The following NLRC4 variants were observed in gnomAD, a reference collection of about 807,000 sequenced individuals.
NLRC4 encodes NLR family CARD domain-containing protein 4.
A neutral mutation model predicts 79.9 loss-of-function variants in NLRC4; 63 were observed. The ratio of observed to expected loss-of-function variants is 0.79; its 90% CI spans 0.64 to 0.97. NLRC4 has a LOEUF of 0.97. Ranked by LOEUF, NLRC4 falls within the 50% of genes least tolerant of loss-of-function variation. The probability of loss-of-function intolerance (pLI) is 0.00; values close to 1 mark genes in which losing one functional copy is unlikely to be tolerated. For synonymous variants in NLRC4, 461 were observed against 456.5 expected, an observed-to-expected ratio of 1.01 and a Z score of -0.12; for missense variants, 1,074 against 1,215.2, an observed-to-expected ratio of 0.88 and a Z score of 1.73.
At chr2:32,252,970 A>T (rs1316869926) in intron 2 of NLRC4, among the ~76,000 whole-genome samples, 1 of 151,902 alleles carries the variant, frequency 6.6e-6, no homozygotes, top group Non-Finnish European at 1.5e-5. Flanking sequence ...GTGAGCTGAG[A>T]TAGCGCCACT....
At position 32,259,262 on chromosome 2, in the gene NLRC4, A is replaced by ATTTTTTTTTTTTTTTTT. The variant is rs57570626; in HGVS notation, c.-118-2386_-118-2370dup. 6.2e-4 allele frequency among the ~76,000 whole-genome samples: 33 copies of ATTTTTTTTTTTTTTTTT among 52,898 alleles called. 7 individuals carry two copies. The highest frequency in any genetic ancestry group is 1.1e-3 in the Admixed American group (5 of 4,548). 34.7% of individuals were successfully genotyped at this position (52,898 alleles called of 152,430 possible). A position where few individuals can be genotyped will look rare whatever the true frequency, so the allele number is the denominator to read the frequency against. On this transcript the variant is annotated intron_variant, in intron 1 of 8. Transcript: ENST00000402280. ...AGGTGTGTGCCACCATGCCTGGCTA[A>ATTTTTTTTTTTTTTTTT]TTTTTTTTTTTTTTTTTTTTTTTTT...
chr2:32,240,005 G>C (rs1379164776), intron 5 of NLRC4, among the ~76,000 whole-genome samples: 1 of 152,140 alleles, frequency 6.6e-6, no homozygotes, highest in Non-Finnish European at 1.5e-5. Context: ...TTTCAAGATG[G>C]AGTCTATCTC....
intron 1 of NLRC4, among the ~76,000 whole-genome samples, chr2:32,264,110 T>G (rs1400134707): frequency 2.6e-5 from 4 of 152,116 alleles, no homozygotes; most frequent in Non-Finnish European, 4.4e-5. Context: ...GCTTTGATCA[T>G]CTGTGATTCT....
At chr2:32,255,472 A>T (rs984360418) in intron 2 of NLRC4, among the ~76,000 whole-genome samples, 1 of 147,854 alleles carries the variant, frequency 6.8e-6, no homozygotes, top group Non-Finnish European at 1.5e-5. Context: ...GTGAGCCCAG[A>T]TGGCGCCATT....
intron 8 of NLRC4, among the ~76,000 whole-genome samples, chr2:32,228,422 C>G (rs1057241452): frequency 6.6e-6 from 1 of 152,172 alleles, no homozygotes; most frequent in Non-Finnish European, 1.5e-5. Flanking sequence ...CTCCCTTAGA[C>G]ACACAGAACT....
intron 2 of NLRC4, among the ~76,000 whole-genome samples, chr2:32,255,054 C>T (rs1687173613): frequency 6.6e-6 from 1 of 151,896 alleles, no homozygotes; most frequent in Admixed American, 6.6e-5. Flanking sequence ...TCCTTTCTCA[C>T]CATTGCAGAG....
At position 32,238,171 on chromosome 2, in the gene NLRC4, C is replaced by CT; in HGVS notation, c.2481dup (p.Val828SerfsTer27). On this transcript the variant is annotated frameshift_variant, in exon 6 of 9. Transcript: ENST00000402280. LOFTEE classifies it high-confidence loss of function. ...GCATTTGCAGACAAGCAGCAGGAGA[C>CT]TAATTGAATTTCTTCAAGGTCACAG... 1 of 1,613,734 alleles carries CT rather than the reference C, an allele frequency of 6.2e-7. No individual in the cohort carries two copies. Among genetic ancestry groups the CT allele is most frequent in the Non-Finnish European group, 8.5e-7 (1 of 1,179,896 alleles).
intron 4 of NLRC4, among the ~76,000 whole-genome samples, chr2:32,249,290 T>C (rs977258872): frequency 2.0e-5 from 3 of 152,200 alleles, no homozygotes; most frequent in Non-Finnish European, 4.4e-5. Flanking sequence ...AAAGTGAACA[T>C]GGGTTGTATG....
chr2:32,256,086 C>A (rs1464850495), intron 2 of NLRC4, among the ~76,000 whole-genome samples: 1 of 151,952 alleles, frequency 6.6e-6, no homozygotes, highest in Admixed American at 6.6e-5. Flanking sequence ...TGTTATATCT[C>A]CTTGTATGTA....
chr2:32,261,061 T>C (rs642039), intron 1 of NLRC4, among the ~76,000 whole-genome samples: 150,993 of 151,026 alleles, frequency 1, 75,480 homozygotes, highest in Non-Finnish European at 1. Context: ...GGCGTGGTGG[T>C]GGGCGCCTGT....
chr2:32,242,885 A>G (rs893781786), intron 4 of NLRC4, among the ~76,000 whole-genome samples: 9 of 151,964 alleles, frequency 5.9e-5, no homozygotes, highest in African/African-American at 2.2e-4. Context: ...TATCCCTACA[A>G]AATATTTTTT....
intron 4 of NLRC4, among the ~76,000 whole-genome samples, chr2:32,246,850 C>T (rs973497181): frequency 5.3e-5 from 8 of 152,142 alleles, no homozygotes; most frequent in African/African-American, 1.7e-4. Flanking sequence ...TCATATCTTG[C>T]TGCAGCCTGA....
At position 32,250,087 on chromosome 2, in the gene NLRC4, C is replaced by T. The variant is rs774834511; in HGVS notation, c.1777G>A (p.Asp593Asn). 23 of 1,613,982 alleles carry T rather than the reference C, an allele frequency of 1.4e-5. No individual in the cohort carries two copies. The highest frequency in any genetic ancestry group is 5.0e-5 in the Admixed American group (3 of 59,994). ...SLYINSGNIP[D>N]YLFDFFEHLP... is the part of the protein sequence containing the mutation. ...TGTTCAAAGAAGTCAAATAAGTAATCGGGGATGTTCCCTGAGTTGATATAT... is the reference window on the plus strand; with the variant it reads ...TGTTCAAAGAAGTCAAATAAGTAATTGGGGATGTTCCCTGAGTTGATATAT... Residue 593 changes from aspartate (D) to asparagine (N), a missense_variant, in exon 4 of 9, where the codon GAT (aspartate) becomes AAT (asparagine). By Grantham distance (23) the Asp-to-Asn change is conservative. Coordinates refer to ENST00000402280, the MANE Select transcript of NLRC4 (RefSeq NM_001199138.2). This position sits in a 1 kb window ranked among gnomAD's most constrained non-coding sequence, Gnocchi z 4.9.
chr2:32,251,530 G>A lies in NLRC4; in HGVS notation c.334C>T (p.Pro112Ser). 1 of 1,613,918 alleles carries A rather than the reference G, an allele frequency of 6.2e-7. No homozygotes were observed. The highest frequency in any genetic ancestry group is 1.3e-5 in the African/African-American group (1 of 75,006). The change falls in exon 4 of 9, where the codon CCA (proline) becomes TCA (serine). Residue 112 changes from proline (P) to serine (S), a missense_variant. Transcript: ENST00000402280. ...AQDLKDLYHT[P>S]SFLNFYPLGE... ...AGGGGATAAAAGTTCAGAAAAGATG[G>A]GGTATGGTACAAGTCCTTTAAATCC...
At chr2:32,254,991 T>C (rs1344609591) in intron 2 of NLRC4, among the ~76,000 whole-genome samples, 1 of 151,822 alleles carries the variant, frequency 6.6e-6, no homozygotes, top group Non-Finnish European at 1.5e-5. Context: ...AGAACCTCTC[T>C]GGCCTGAAAT....
chr2:32,226,609 G>C (rs531499367), intron 8 of NLRC4, among the ~76,000 whole-genome samples: 1 of 152,272 alleles, frequency 6.6e-6, no homozygotes, highest in Admixed American at 6.5e-5. Context: ...GGCCGGGTGC[G>C]GTGGCTCATG....
intron 3 of NLRC4, among the ~76,000 whole-genome samples, chr2:32,251,871 G>A (rs531535845): frequency 6.8e-4 from 103 of 152,090 alleles, no homozygotes; most frequent in Non-Finnish European, 1.2e-3. Context: ...TTGTTTTTGG[G>A]TTAAGGAAAG....
chr2:32,250,871 C>T lies in NLRC4; in HGVS notation c.993G>A (p.Leu331=), dbSNP rs1336879848. The T allele has an allele frequency of 1.2e-6, 2 of 1,614,198 alleles. No homozygotes were observed. Among genetic ancestry groups the T allele is most frequent in the Non-Finnish European group, 1.7e-6 (2 of 1,180,034 alleles). The change falls in exon 4 of 9, where the codon TTG becomes TTA. Residue 331 remains leucine (L), a synonymous_variant. Transcript: ENST00000402280. This position sits in a 1 kb window ranked among gnomAD's most constrained non-coding sequence, Gnocchi z 4.9. ...AGAGAGGGGTCTTCATGAGATTCCTCAAGCACCTGGATTTCTGAATTTGGA... is the reference window on the plus strand; with the variant it reads ...AGAGAGGGGTCTTCATGAGATTCCTTAAGCACCTGGATTTCTGAATTTGGA... The part of the protein sequence containing the change: ...LLLQIQKSRC[L]RNLMKTPLFV...
rs1686711682 is a variant in NLRC4 at position 32,238,046 on chromosome 2, A to C, written c.2521+86T>G. On this transcript the variant is annotated intron_variant, in intron 6 of 8. Transcript: ENST00000402280. ...CAGTTTTCCTTAAAATTAAATTTCC[A>C]TTTGAGACATTTAGTGTGAATTAGT... 5.3e-6 allele frequency: 5 copies of C among 936,876 alleles called. No homozygotes were observed. In the South Asian group the frequency reaches 9.7e-5, roughly 18 times the overall value. The allele number at this position is 936,876 out of a possible 1,614,324, so 58.0% of individuals were successfully genotyped here. A position where few individuals can be genotyped will look rare whatever the true frequency, so the allele number is the denominator to read the frequency against.
Sources: gnomAD v4.1 joint callset for allele counts (sites outside exome capture counted in the v4.1 genomes callset) on GRCh38, gnomAD v4.1.1 for gene constraint, Gnocchi (gnomAD v3.1) non-coding constraint, MANE v1.5 for transcripts, NCBI Gene and HGNC (gene_info 2026-07-23, HGNC 2026-07-21) for gene names.